Variants in MB observed in about 807,000 individuals in gnomAD.
The protein encoded by MB is myoglobin.
Under a neutral mutation model 14.5 loss-of-function variants are expected in MB, and 10 were observed. That is an observed-to-expected ratio of 0.69 (90% CI 0.43 to 1.17). The LOEUF (loss-of-function observed/expected upper bound fraction) is 1.17. MB is among the 50% of genes most tolerant of loss of function. MB has a pLI of 0.00. For synonymous variants in MB, 89 were observed against 78.6 expected, an observed-to-expected ratio of 1.13 and a Z score of -0.70; for missense variants, 169 against 192.7, an observed-to-expected ratio of 0.88 and a Z score of 0.73.
chr22:35,616,569 G>C (rs1168102426), intron 1 of MB, among the ~76,000 whole-genome samples: 1 of 152,106 alleles, frequency 6.6e-6, no homozygotes, highest in Non-Finnish European at 1.5e-5. Context: ...CAGGCCTCTT[G>C]CATGCATTAT....
intron 1 of MB, among the ~76,000 whole-genome samples, chr22:35,614,431 T>C (rs1448032970): frequency 7.0e-6 from 1 of 142,762 alleles, no homozygotes; most frequent in Admixed American, 7.1e-5. Flanking sequence ...CTACTAAAAA[T>C]ACAAAAATTA....
intron 2 of MB, among the ~76,000 whole-genome samples, chr22:35,609,453 G>A (rs147592011): frequency 6.6e-6 from 1 of 152,304 alleles, no homozygotes; most frequent in African/African-American, 2.4e-5. Flanking sequence ...TGTTCACGCT[G>A]GTGATGTGGA....
upstream of MB, among the ~76,000 whole-genome samples, chr22:35,621,507 G>A (rs1273562429): frequency 6.6e-6 from 1 of 152,120 alleles, no homozygotes; most frequent in African/African-American, 2.4e-5. Flanking sequence ...GAATTATAGG[G>A]CCATAGTATC....
chr22:35,609,385 A>C (rs1922403145), intron 2 of MB, among the ~76,000 whole-genome samples: 1 of 152,194 alleles, frequency 6.6e-6, no homozygotes, highest in Non-Finnish European at 1.5e-5. Context: ...TAGTGGATGA[A>C]CAGGGATTTG....
chr22:35,607,037 A>C lies in MB; in HGVS notation c.*260T>G. ...TGGGATTTAGAAGAAAGGACAATTA[A>C]TTCAGATCCAAACCATGCAGAACAC... On this transcript the variant is annotated 3_prime_UTR_variant, in exon 3 of 3. Coordinates refer to ENST00000397326, the MANE Select transcript of MB (RefSeq NM_005368.3). 2.6e-6 allele frequency: 1 copy of C among 380,706 alleles called. No homozygotes were observed. 23.6% of individuals were successfully genotyped at this position (380,706 alleles called of 1,614,324 possible).
At chr22:35,617,640 C>T, upstream of MB, 1 of 201,494 alleles carries the variant, frequency 5.0e-6, no homozygotes, top group Non-Finnish European at 1.0e-5. Flanking sequence ...ACGCCAGCAG[C>T]CTGAAACCCA....
upstream of MB, among the ~76,000 whole-genome samples, chr22:35,620,044 T>C (rs1923363891): frequency 6.6e-6 from 1 of 152,168 alleles, no homozygotes. Flanking sequence ...GTAGCTAAAA[T>C]GCCATGGGGG....
upstream of MB, chr22:35,621,844 A>C (rs1923485342): frequency 6.6e-6 from 1 of 152,158 alleles, no homozygotes; most frequent in South Asian, 2.1e-4. Context: ...AGGCAAGGCA[A>C]GTCGGGGGCC....
intron 1 of MB, 93 bp downstream of exon 1, chr22:35,617,070 G>T: frequency 1.1e-6 from 1 of 932,318 alleles, no homozygotes; most frequent in South Asian, 1.3e-5. Flanking sequence ...GCAGCCAACT[G>T]ACCTACCCCA....
chr22:35,607,398 C>T lies in MB; in HGVS notation c.364G>A (p.Gly122Arg), dbSNP rs746323657. ...IIQVLQSKHP[G>R]DFGADAQGAM... Reference sequence around the variant, plus strand: ...CCCTGGGCATCAGCACCAAAGTCCCCGGGATGCTTGCTCTGCAGAACCTGG... The same window carrying T: ...CCCTGGGCATCAGCACCAAAGTCCCTGGGATGCTTGCTCTGCAGAACCTGG... The change falls in exon 3 of 3, where the codon GGG (glycine) becomes AGG (arginine). Residue 122 changes from glycine to arginine, a missense_variant. Transcript: ENST00000397326. The T allele has an allele frequency of 1.1e-5, 17 of 1,613,896 alleles. No homozygotes were observed. The highest frequency in any genetic ancestry group is 6.7e-5 in the African/African-American group (5 of 74,926).
chr22:35,614,460 C>T (rs1922901133), intron 1 of MB, among the ~76,000 whole-genome samples: 1 of 147,638 alleles, frequency 6.8e-6, no homozygotes, highest in African/African-American at 2.5e-5. Flanking sequence ...TGGTGGCATG[C>T]ACCTGTAATC....
At chr22:35,610,301 C>T (rs942999413) in intron 2 of MB, among the ~76,000 whole-genome samples, 5 of 152,154 alleles carry the variant, frequency 3.3e-5, no homozygotes, top group African/African-American at 7.2e-5. Context: ...TGCTGGAAAC[C>T]GAGGTCCTGT....
chr22:35,609,771 C>T (rs1360778467), intron 2 of MB, among the ~76,000 whole-genome samples: 1 of 152,186 alleles, frequency 6.6e-6, no homozygotes, highest in Non-Finnish European at 1.5e-5. Context: ...GGTAACAGAA[C>T]ACTAGTTGTA....
chr22:35,609,419 G>A lies in MB; in HGVS notation c.318+1465C>T, dbSNP rs45544732. ...TGCAGAGAGAAGATGGGCAGGCAGG[G>A]ACGGCCTCACATGCAGGGTTGTCTG... is the stretch of plus-strand genomic sequence containing the variant. On this transcript the variant is annotated intron_variant, in intron 2 of 2. Coordinates refer to ENST00000397326, the MANE Select transcript of MB (RefSeq NM_005368.3). Among the ~76,000 whole-genome samples the A allele has an allele frequency of 4.6e-3, 695 of 152,276 alleles. 8 individuals carry two copies. The highest frequency in any genetic ancestry group is 0.015 in the African/African-American group (623 of 41,548).
In MB at chr22:35,610,854, T is replaced by C. The variant is rs775363952; in HGVS notation, c.318+30A>G. 5 of 1,527,394 alleles carry C rather than the reference T, an allele frequency of 3.3e-6. No individual in the cohort carries two copies. The East Asian group carries it at 1.2e-4, about 36-fold the overall frequency. 94.6% of individuals were successfully genotyped at this position (1,527,394 alleles called of 1,614,324 possible). A position where few individuals can be genotyped will look rare whatever the true frequency, so the allele number is the denominator to read the frequency against. On this transcript the variant is annotated intron_variant, in intron 2 of 2. Coordinates refer to ENST00000397326, the MANE Select transcript of MB (RefSeq NM_005368.3). ...TGCCCCACCCGAGGCCTTCCCCGCA[T>C]CCTCCCACCTGCCCAGGCTCTGCTC...
chr22:35,608,542 G>A lies in MB; in HGVS notation c.319-1099C>T, dbSNP rs1922325055. Among the ~76,000 whole-genome samples, 1 of 152,224 alleles carries A rather than the reference G, an allele frequency of 6.6e-6. No homozygotes were observed. Among genetic ancestry groups the A allele is most frequent in the Non-Finnish European group, 1.5e-5 (1 of 68,040 alleles). ...TCAACACCCCATAAGCCCCTCTGCT[G>A]GGAAAGAGGGGCAGCTCCACAAACG... On this transcript the variant is annotated intron_variant, in intron 2 of 2. Transcript: ENST00000397326. The surrounding 1 kb of genome is among the most constrained non-coding windows in gnomAD (Gnocchi z 4.3).
upstream of MB, among the ~76,000 whole-genome samples, chr22:35,618,622 T>A (rs539641970): frequency 3.3e-5 from 5 of 152,008 alleles, no homozygotes; most frequent in East Asian, 9.7e-4. Context: ...AATCCCTCCA[T>A]CTATCCGACA....
At chr22:35,621,540 A>G (rs368060730), upstream of MB, among the ~76,000 whole-genome samples, 6 of 152,260 alleles carry the variant, frequency 3.9e-5, no homozygotes, top group African/African-American at 1.4e-4. Context: ...GAGGCCTTCA[A>G]CGGTATTTTG....
chr22:35,612,263 G>A (rs1001821846), intron 1 of MB, among the ~76,000 whole-genome samples: 1 of 152,128 alleles, frequency 6.6e-6, no homozygotes, highest in South Asian at 2.1e-4. Context: ...TCCAGTTTGC[G>A]CCCTGAGCCA....
Sources: gnomAD v4.1 joint callset for allele counts (sites outside exome capture counted in the v4.1 genomes callset) on GRCh38, gnomAD v4.1.1 for gene constraint, Gnocchi (gnomAD v3.1) non-coding constraint, MANE v1.5 for transcripts, NCBI Gene and HGNC (gene_info 2026-07-23, HGNC 2026-07-21) for gene names.